The following SLC41A2 variants were observed in gnomAD, a reference collection of about 807,000 sequenced individuals.
SLC41A2 encodes the protein SLC41A1-like 1.
In SLC41A2, 32 loss-of-function variants were observed where a neutral mutation model predicts 58.3. The observed-to-expected ratio is 0.55, with a 90% CI of 0.41 to 0.74. SLC41A2 has a LOEUF of 0.74. Among genes scored for constraint, SLC41A2 ranks in the 30% least tolerant of loss-of-function variants. The pLI is 0.00. For missense variants in SLC41A2, 514 were observed against 680.6 expected (o/e 0.76, Z 2.72); for synonymous variants, 190 against 235.0 (o/e 0.81, Z 1.75).
intron 6 of SLC41A2, among the ~76,000 whole-genome samples, chr12:104,867,041 A>T (rs2043503302): frequency 6.6e-6 from 1 of 152,134 alleles, no homozygotes; most frequent in South Asian, 2.1e-4. Flanking sequence ...GGAGAGCCGG[A>T]AGAAAATATG....
rs1453253533 is a variant in SLC41A2 at position 104,805,261 on chromosome 12, G to A, written c.1613C>T (p.Ser538Phe). 6 of 1,613,922 alleles carry A rather than the reference G, an allele frequency of 3.7e-6. No homozygotes were observed. Among genetic ancestry groups the A allele is most frequent in the Non-Finnish European group, 5.1e-6 (6 of 1,179,854 alleles). Residue 538 changes from serine (S) to phenylalanine (F), a missense_variant, in exon 11 of 11, where the codon TCC becomes TTC. Transcript: ENST00000258538. ...WRKGKDPDSFSIPYLTALGDL... is the reference protein window; with the variant it reads ...WRKGKDPDSFFIPYLTALGDL... ...ACCCAATGCTGTTAGGTAGGGGATGGAGAAACTATCCGGGTCCTTTCCTTT... is the reference window on the plus strand; with the variant it reads ...ACCCAATGCTGTTAGGTAGGGGATGAAGAAACTATCCGGGTCCTTTCCTTT...
chr12:104,855,622 C>T (rs749754595), intron 8 of SLC41A2, among the ~76,000 whole-genome samples: 3 of 152,102 alleles, frequency 2.0e-5, no homozygotes, highest in Non-Finnish European at 2.9e-5. Context: ...TAGTCTGCTA[C>T]TCAACAAAAC....
At position 104,916,070 on chromosome 12, in the gene SLC41A2, A is replaced by G. The variant is rs541441782; in HGVS notation, c.556-6308T>C. On this transcript the variant is annotated intron_variant, in intron 2 of 10. Transcript: ENST00000258538. ...TGGTTCTGTTTATATGCTGGATTAC[A>G]TTTATTGATTTGCGTATATTGAATC... Among the ~76,000 whole-genome samples, 1,019 of 152,228 alleles carry G rather than the reference A, an allele frequency of 6.7e-3. 14 individuals carry two copies. The highest frequency in any genetic ancestry group is 0.023 in the African/African-American group (949 of 41,540).
At chr12:104,878,590 G>T (rs149263975) in intron 6 of SLC41A2, among the ~76,000 whole-genome samples, 2 of 151,568 alleles carry the variant, frequency 1.3e-5, no homozygotes, top group African/African-American at 2.4e-5. Context: ...GCAACAGTTT[G>T]CTCAGAATGA....
chr12:104,926,720 A>G (rs1234794155), intron 2 of SLC41A2, among the ~76,000 whole-genome samples: 1 of 152,224 alleles, frequency 6.6e-6, no homozygotes, highest in African/African-American at 2.4e-5. Flanking sequence ...TATGCTAAAC[A>G]TTAATAATAA....
chr12:104,945,356 C>T (rs975045121), intron 1 of SLC41A2, among the ~76,000 whole-genome samples: 31 of 151,470 alleles, frequency 2.0e-4, no homozygotes, highest in Admixed American at 1.6e-3. Context: ...AAAAATTAGC[C>T]GGGCGTGGTG....
intron 2 of SLC41A2, among the ~76,000 whole-genome samples, chr12:104,918,678 G>A (rs907922169): frequency 4.7e-5 from 7 of 148,478 alleles, no homozygotes; most frequent in African/African-American, 1.2e-4. Context: ...GGAAGGGCCC[G>A]GGCTAAGGGT....
rs2046485426 is a variant in SLC41A2 at position 104,919,411 on chromosome 12, T to A, written c.555+8562A>T. Among the ~76,000 whole-genome samples, 3 of 152,232 alleles carry A rather than the reference T, an allele frequency of 2.0e-5. No individual in the cohort carries two copies. In the South Asian group the frequency reaches 6.2e-4, roughly 31 times the overall value. On this transcript the variant is annotated intron_variant, in intron 2 of 10. Transcript: ENST00000258538. ...GGTAGTTAATATTTAGGGTTTGTTT[T>A]TTTACAGAACTGCAAAAGTGTTTCC... is the stretch of plus-strand genomic sequence containing the variant.
At position 104,909,905 on chromosome 12, in the gene SLC41A2, A is replaced by T. The variant is rs1445572761; in HGVS notation, c.556-143T>A. 8.8e-6 allele frequency: 5 copies of T among 570,458 alleles called. No individual in the cohort carries two copies. The African/African-American group carries it at 9.5e-5, about 11-fold the overall frequency. 35.3% of individuals were successfully genotyped at this position (570,458 alleles called of 1,614,324 possible). ...CACACAGTTCATGTAATCAGCGAGCACTTAGCTTAACTCCATTCTCCTGAG... is the reference window on the plus strand; with the variant it reads ...CACACAGTTCATGTAATCAGCGAGCTCTTAGCTTAACTCCATTCTCCTGAG... On this transcript the variant is annotated intron_variant, in intron 2 of 10. Transcript: ENST00000258538.
At chr12:104,890,603 C>G (rs193091692) in intron 4 of SLC41A2, among the ~76,000 whole-genome samples, 189 of 152,104 alleles carry the variant, frequency 1.2e-3, no homozygotes, top group African/African-American at 4.5e-3. Context: ...TGGAAATATG[C>G]AAAATAATGA....
At chr12:104,899,492 G>C (rs1338553761) in intron 3 of SLC41A2, among the ~76,000 whole-genome samples, 1 of 152,048 alleles carries the variant, frequency 6.6e-6, no homozygotes, top group Non-Finnish European at 1.5e-5. Flanking sequence ...CTAGGCTTTT[G>C]TCTCTCCCAT....
chr12:104,860,682 T>C lies in SLC41A2; in HGVS notation c.1255+609A>G, dbSNP rs550059320. Among the ~76,000 whole-genome samples the C allele has an allele frequency of 8.5e-5, 13 of 152,212 alleles. No individual in the cohort carries two copies. In the South Asian group the frequency reaches 2.3e-3, roughly 27 times the overall value. On this transcript the variant is annotated intron_variant, in intron 8 of 10. Coordinates refer to ENST00000258538, the MANE Select transcript of SLC41A2 (RefSeq NM_001352171.3). ...TCTAACTCCTGGGCTCAGGCAATCC[T>C]CCTGCCTCAGCCTCCTGAGGACATA...
chr12:104,948,466 T>C (rs2047818581), intron 1 of SLC41A2, among the ~76,000 whole-genome samples: 1 of 152,180 alleles, frequency 6.6e-6, no homozygotes. Context: ...GCAAAAAGAA[T>C]TGCTTTCTCT....
chr12:104,949,679 G>A (rs2047879656), intron 1 of SLC41A2, among the ~76,000 whole-genome samples: 2 of 152,166 alleles, frequency 1.3e-5, no homozygotes, highest in Non-Finnish European at 1.5e-5. Context: ...TGCCTCCTGG[G>A]TTCAAGCAAT....
At chr12:104,888,382 G>T (rs1456347123) in intron 5 of SLC41A2, among the ~76,000 whole-genome samples, 3 of 151,728 alleles carry the variant, frequency 2.0e-5, no homozygotes, top group African/African-American at 7.3e-5. Flanking sequence ...CAAGAAAATG[G>T]CAATTATAAA....
intron 10 of SLC41A2, among the ~76,000 whole-genome samples, chr12:104,808,560 A>G (rs1399441545): frequency 6.6e-6 from 1 of 152,178 alleles, no homozygotes; most frequent in Non-Finnish European, 1.5e-5. Context: ...CAGCTTTGGT[A>G]TCAGGATGAT....
At position 104,809,410 on chromosome 12, in the gene SLC41A2, C is replaced by T. The variant is rs566538258; in HGVS notation, c.1537-4073G>A. On this transcript the variant is annotated intron_variant, in intron 10 of 10. Coordinates refer to ENST00000258538, the MANE Select transcript of SLC41A2 (RefSeq NM_001352171.3). Reference sequence around the variant, plus strand: ...CAGGAAGGAGAGTGGCTTGTCCAAACGTAGGAAGACATGTACCTATTCCAA... The same window carrying T: ...CAGGAAGGAGAGTGGCTTGTCCAAATGTAGGAAGACATGTACCTATTCCAA... Among the ~76,000 whole-genome samples, 15 of 152,244 alleles carry T rather than the reference C, an allele frequency of 9.9e-5. No individual in the cohort carries two copies. In the South Asian group the frequency reaches 1.9e-3, roughly 19 times the overall value.
chr12:104,824,247 AC>A (rs1300205895), intron 10 of SLC41A2, among the ~76,000 whole-genome samples: 3 of 149,748 alleles, frequency 2.0e-5, no homozygotes, highest in African/African-American at 7.4e-5. Context: ...GTGCCTATAA[AC>A]CCCCCCGAGA....
chr12:104,805,360 A>C (rs1592900578), intron 10 of SLC41A2, 23 bp from the exon 11 acceptor site: 1 of 1,596,944 alleles, frequency 6.3e-7, no homozygotes, highest in Non-Finnish European at 8.5e-7. Flanking sequence ...AACAGAGATT[A>C]CTCCGGCTGC....
Sources: allele counts gnomAD v4.1 joint callset (sites outside exome capture counted in the v4.1 genomes callset), GRCh38; gene constraint gnomAD v4.1.1; transcripts MANE v1.5; gene names NCBI Gene and HGNC (gene_info 2026-07-23, HGNC 2026-07-21).